The following GRM7 variants were observed in gnomAD, a reference collection of about 807,000 sequenced individuals.
GRM7 encodes the protein metabotropic glutamate receptor 7.
GRM7 carries 35 observed loss-of-function variants against 84.5 expected under a neutral mutation model. That is an observed-to-expected ratio of 0.41 (90% CI 0.32 to 0.55). The LOEUF is 0.55. GRM7 is among the 20% of genes least tolerant of loss of function. The pLI is 0.19. For missense variants in GRM7, 1,003 were observed against 1,194.6 expected (o/e 0.84, Z 2.36); for synonymous variants, 487 against 455.1 (o/e 1.07, Z -0.89).
At chr3:7,565,721 G>A (rs76308114) in intron 7 of GRM7, among the ~76,000 whole-genome samples, 4 of 152,288 alleles carry the variant, frequency 2.6e-5, no homozygotes, top group Middle Eastern at 3.4e-3. Flanking sequence ...GGATTGTGCT[G>A]GATGTTGTGC....
At chr3:7,525,166 A>G (rs1247327375) in intron 7 of GRM7, among the ~76,000 whole-genome samples, 2 of 151,758 alleles carry the variant, frequency 1.3e-5, no homozygotes, top group African/African-American at 2.4e-5. Context: ...CCTAATGCTA[A>G]ATGACGAGTT....
chr3:7,173,938 A>G (rs1695064660), intron 2 of GRM7, among the ~76,000 whole-genome samples: 1 of 152,242 alleles, frequency 6.6e-6, no homozygotes, highest in Non-Finnish European at 1.5e-5. Context: ...CAAGCTCATT[A>G]GAGTAGGAAT....
At position 7,047,143 on chromosome 3, in the gene GRM7, T is replaced by C. The variant is rs576710991; in HGVS notation, c.520-99309T>C. ...TCTGCCCCACTACCTGTTTTTTTTT[T>C]AATAAAGTTTGTTGGAAAATAATTC... is the stretch of plus-strand genomic sequence containing the variant. On this transcript the variant is annotated intron_variant, in intron 1 of 9. Coordinates refer to ENST00000357716, the MANE Select transcript of GRM7 (RefSeq NM_000844.4). 1.4e-3 allele frequency among the ~76,000 whole-genome samples: 218 copies of C among 152,110 alleles called. 1 individual carries two copies. Among genetic ancestry groups the C allele is most frequent in the Non-Finnish European group, 1.9e-3 (129 of 67,950 alleles).
At chr3:7,148,714 ATGATC>A (rs371737249) in intron 2 of GRM7, among the ~76,000 whole-genome samples, 85 of 152,316 alleles carry the variant, frequency 5.6e-4, no homozygotes, top group African/African-American at 2.0e-3. Context: ...CTCTTATAAT[ATGATC>A]TGAACTCCCC....
At chr3:7,109,140 C>T (rs986571961) in intron 1 of GRM7, among the ~76,000 whole-genome samples, 3 of 151,976 alleles carry the variant, frequency 2.0e-5, no homozygotes, top group African/African-American at 7.2e-5. Context: ...CTTCTTTTCC[C>T]TCATTCCTTT....
intron 1 of GRM7, among the ~76,000 whole-genome samples, chr3:7,007,001 C>G (rs994372244): frequency 6.6e-6 from 1 of 152,122 alleles, no homozygotes; most frequent in African/African-American, 2.4e-5. Context: ...AAACAACAAA[C>G]CTTGGTAGAC....
At chr3:7,002,675 T>C (rs1241130230) in intron 1 of GRM7, among the ~76,000 whole-genome samples, 1 of 152,078 alleles carries the variant, frequency 6.6e-6, no homozygotes, top group Non-Finnish European at 1.5e-5. Flanking sequence ...AAATAGTATA[T>C]AGAGAGTCTT....
chr3:7,283,247 T>C (rs1262987734), intron 2 of GRM7, among the ~76,000 whole-genome samples: 1 of 152,156 alleles, frequency 6.6e-6, no homozygotes, highest in East Asian at 1.9e-4. Flanking sequence ...TTTAACCTCC[T>C]CGTGCTTGGG....
intron 5 of GRM7, among the ~76,000 whole-genome samples, chr3:7,420,063 A>T (rs1381823606): frequency 1.3e-5 from 2 of 152,164 alleles, no homozygotes; most frequent in Admixed American, 1.3e-4. Context: ...CAGAGCTAAT[A>T]GTTTAAGTCC....
rs531831301 is a variant in GRM7, at chr3:6,936,887, G to A, written c.519+74980G>A. ...TTCAAATTGTGAACAATGCTCAGGTGTTCACCCTTGGACCTAAATCTTTGT... is the reference window on the plus strand; with the variant it reads ...TTCAAATTGTGAACAATGCTCAGGTATTCACCCTTGGACCTAAATCTTTGT... On this transcript the variant is annotated intron_variant, in intron 1 of 9. Coordinates refer to ENST00000357716, the MANE Select transcript of GRM7 (RefSeq NM_000844.4). Among the ~76,000 whole-genome samples, 244 of 152,254 alleles carry A rather than the reference G, an allele frequency of 1.6e-3. 1 individual carries two copies. The highest frequency in any genetic ancestry group is 5.5e-3 in the African/African-American group (230 of 41,542).
chr3:7,530,663 G>T (rs932199271), intron 7 of GRM7, among the ~76,000 whole-genome samples: 2 of 152,140 alleles, frequency 1.3e-5, no homozygotes, highest in South Asian at 2.1e-4. Context: ...ATAGCTCATT[G>T]TGGTTTTGAT....
chr3:7,699,148 C>T (rs1384956128), intron 9 of GRM7, among the ~76,000 whole-genome samples: 2 of 152,206 alleles, frequency 1.3e-5, no homozygotes, highest in Non-Finnish European at 1.5e-5. Context: ...CTCTGGGTTA[C>T]AGTCAATCCT....
intron 9 of GRM7, chr3:7,691,062 G>T: frequency 2.3e-6 from 1 of 438,922 alleles, no homozygotes; most frequent in Admixed American, 2.6e-5. Flanking sequence ...GCTGTACAGT[G>T]GAACTTGGAT....
intron 7 of GRM7, among the ~76,000 whole-genome samples, chr3:7,479,570 A>C (rs752747968): frequency 4.6e-5 from 7 of 152,184 alleles, no homozygotes; most frequent in African/African-American, 9.7e-5. Flanking sequence ...CCTTCTAAAT[A>C]TATATTGATG....
Position 7,110,032 on chromosome 3 carries a change from A to G in GRM7, c.520-36420A>G, listed in dbSNP as rs181532259. Among the ~76,000 whole-genome samples, 353 of 152,230 alleles carry G rather than the reference A, an allele frequency of 2.3e-3. 3 individuals are homozygous for G. Among genetic ancestry groups the G allele is most frequent in the East Asian group, 6.2e-3 (32 of 5,168 alleles). On this transcript the variant is annotated intron_variant, in intron 1 of 9. Transcript: ENST00000357716. ...AATGTACTTCAGTACATTTCTAACT[A>G]TAAATGACAATTTAAAAAATATACA...
At chr3:7,473,532 A>AGAGAGAGAGAG (rs1553603738) in intron 7 of GRM7, among the ~76,000 whole-genome samples, 3 of 83,556 alleles carry the variant, frequency 3.6e-5, no homozygotes, top group Non-Finnish European at 5.7e-5. Context: ...GAGAGAGAGA[A>AGAGAGAGAGAG]ACACCTTGAC....
At chr3:7,038,945 G>A (rs145718957) in intron 1 of GRM7, among the ~76,000 whole-genome samples, 2 of 151,916 alleles carry the variant, frequency 1.3e-5, no homozygotes, top group African/African-American at 4.8e-5. Context: ...CAACATAATC[G>A]TCTCCTGGAA....
chr3:7,574,402 C>G (rs2125049309), intron 7 of GRM7, among the ~76,000 whole-genome samples: 1 of 152,314 alleles, frequency 6.6e-6, no homozygotes, highest in Middle Eastern at 3.4e-3. Context: ...TCGTGATCCA[C>G]CTGCCTCAGC....
At chr3:7,352,983 G>T (rs538049237) in intron 4 of GRM7, among the ~76,000 whole-genome samples, 1 of 152,198 alleles carries the variant, frequency 6.6e-6, no homozygotes, top group East Asian at 1.9e-4. Flanking sequence ...GCTTGATAAG[G>T]ACTTGTGTCT....
Sources: allele counts gnomAD v4.1 joint callset (sites outside exome capture counted in the v4.1 genomes callset), GRCh38; gene constraint gnomAD v4.1.1; transcripts MANE v1.5; gene names NCBI Gene and HGNC (gene_info 2026-07-23, HGNC 2026-07-21).